The following HEMK2 variants were observed in gnomAD, a reference collection of about 807,000 sequenced individuals.
The protein encoded by HEMK2 is methyltransferase HEMK2.
the HEMK2 span, among the ~76,000 whole-genome samples, chr21:28,825,709 TG>T: frequency 6.6e-6 from 1 of 152,238 alleles, no homozygotes; most frequent in Non-Finnish European, 1.5e-5. Context: ...GGTCAGTCAC[TG>T]GAGTTCCTGA....
the HEMK2 span, among the ~76,000 whole-genome samples, chr21:28,700,144 T>G: frequency 3.3e-5 from 5 of 152,268 alleles, no homozygotes; most frequent in East Asian, 9.6e-4. Context: ...TCCCAAGTAG[T>G]GACCCCCTTC....
the HEMK2 span, among the ~76,000 whole-genome samples, chr21:28,799,903 T>C: frequency 6.6e-6 from 1 of 152,190 alleles, no homozygotes. Flanking sequence ...TTTTGTGTAG[T>C]TCAGTGATGA....
the HEMK2 span, among the ~76,000 whole-genome samples, chr21:28,668,671 A>T: frequency 2.1e-4 from 32 of 152,332 alleles, no homozygotes; most frequent in African/African-American, 7.5e-4. Context: ...GCTGAACAAT[A>T]ATACAATCAA....
At chr21:28,588,765 C>T in the HEMK2 span, among the ~76,000 whole-genome samples, 3 of 151,860 alleles carry the variant, frequency 2.0e-5, no homozygotes, top group South Asian at 2.1e-4. Context: ...GGTCGGATCA[C>T]AAGGTCAGGA....
At chr21:28,751,365 A>G in the HEMK2 span, among the ~76,000 whole-genome samples, 1 of 152,234 alleles carries the variant, frequency 6.6e-6, no homozygotes, top group African/African-American at 2.4e-5. Context: ...ATGATCTTGA[A>G]AAGAACCCAC....
the HEMK2 span, among the ~76,000 whole-genome samples, chr21:28,637,565 T>C: frequency 6.6e-6 from 1 of 152,152 alleles, no homozygotes; most frequent in Non-Finnish European, 1.5e-5. Flanking sequence ...ATGCCTCACT[T>C]CTCCACCTGG....
At chr21:28,699,663 T>C in the HEMK2 span, among the ~76,000 whole-genome samples, 3 of 152,172 alleles carry the variant, frequency 2.0e-5, no homozygotes, top group Non-Finnish European at 4.4e-5. Context: ...ACCAAGAAGA[T>C]ATAATCAATA....
the HEMK2 span, chr21:28,876,143 C>T: frequency 3.4e-6 from 1 of 297,434 alleles, no homozygotes; most frequent in Non-Finnish European, 6.1e-6. Context: ...CCACATAATG[C>T]TGAAATAAAT....
At chr21:28,870,244 C>T in the HEMK2 span, among the ~76,000 whole-genome samples, 2 of 152,224 alleles carry the variant, frequency 1.3e-5, no homozygotes, top group African/African-American at 4.8e-5. Flanking sequence ...CTCTCCCTGA[C>T]TGCACAAACA....
the HEMK2 span, among the ~76,000 whole-genome samples, chr21:28,609,858 A>T: frequency 6.6e-6 from 1 of 152,162 alleles, no homozygotes; most frequent in South Asian, 2.1e-4. Context: ...CAATCTGACA[A>T]AGACAAAAAA....
chr21:28,680,116 G>GT, the HEMK2 span, among the ~76,000 whole-genome samples: 1 of 152,132 alleles, frequency 6.6e-6, no homozygotes, highest in African/African-American at 2.4e-5. Flanking sequence ...CCAGGAGCTG[G>GT]TTTTTTGAAA....
the HEMK2 span, among the ~76,000 whole-genome samples, chr21:28,794,482 T>C: frequency 6.6e-6 from 1 of 152,220 alleles, no homozygotes; most frequent in Non-Finnish European, 1.5e-5. Flanking sequence ...TTGGAAGGTA[T>C]GCAAACACTA....
the HEMK2 span, among the ~76,000 whole-genome samples, chr21:28,681,985 G>A: frequency 6.6e-6 from 1 of 152,158 alleles, no homozygotes; most frequent in East Asian, 1.9e-4. Flanking sequence ...CAGGACATAG[G>A]CATGAGCAAG....
chr21:28,593,804 T>TAAATAAATGAAGAGAATAGAC, the HEMK2 span, among the ~76,000 whole-genome samples: 11 of 152,166 alleles, frequency 7.2e-5, no homozygotes, highest in Admixed American at 2.0e-4. Flanking sequence ...GCTACATAAG[T>TAAATAAATGAAGAGAATAGAC]AAATAAATGA....
At chr21:28,775,971 T>TAA in the HEMK2 span, among the ~76,000 whole-genome samples, 290 of 146,734 alleles carry the variant, frequency 2.0e-3, 4 homozygotes, top group African/African-American at 7.0e-3. Context: ...GAGGTGAGGG[T>TAA]AAAAAAAAAA....
At chr21:28,662,073 C>G in the HEMK2 span, among the ~76,000 whole-genome samples, 2 of 151,920 alleles carry the variant, frequency 1.3e-5, no homozygotes, top group Non-Finnish European at 2.9e-5. Flanking sequence ...GGTGAAGCAA[C>G]TGTCATCTCT....
the HEMK2 span, among the ~76,000 whole-genome samples, chr21:28,725,862 T>C: frequency 6.6e-6 from 1 of 152,232 alleles, no homozygotes; most frequent in Non-Finnish European, 1.5e-5. Flanking sequence ...GGTCATCAGT[T>C]TAAGTAGTTG....
chr21:28,868,081 T>C, the HEMK2 span, among the ~76,000 whole-genome samples: 11 of 152,196 alleles, frequency 7.2e-5, no homozygotes, highest in Non-Finnish European at 4.4e-5. Context: ...TCTATATATG[T>C]ACATGTTTCT....
At chr21:28,630,943 T>A in the HEMK2 span, among the ~76,000 whole-genome samples, 10 of 152,076 alleles carry the variant, frequency 6.6e-5, no homozygotes, top group East Asian at 5.8e-4. Flanking sequence ...AATAAAATTT[T>A]AAAAAAAGAA....
Sources: allele counts gnomAD v4.1 joint callset (sites outside exome capture counted in the v4.1 genomes callset), GRCh38; gene constraint gnomAD v4.1.1; transcripts MANE v1.5; gene names NCBI Gene and HGNC (gene_info 2026-07-23, HGNC 2026-07-21).